The following DPF3 variants were observed in gnomAD, a reference collection of about 807,000 sequenced individuals.
DPF3 encodes the protein double PHD fingers 3, also known as zinc finger protein DPF3.
In DPF3, 18 loss-of-function variants were observed where a neutral mutation model predicts 56.8. That is an observed-to-expected ratio of 0.32 (90% CI 0.22 to 0.47). DPF3 has a LOEUF of 0.47. Among genes scored for constraint, DPF3 ranks in the 20% least tolerant of loss-of-function variants. The pLI, the probability that DPF3 is intolerant of heterozygous loss-of-function variation, is 1.00. For missense variants in DPF3, 403 were observed against 488.8 expected (o/e 0.82, Z 1.65); for synonymous variants, 188 against 180.2 (o/e 1.04, Z -0.35).
intron 3 of DPF3, among the ~76,000 whole-genome samples, chr14:72,744,552 T>A (rs992118671): frequency 2.0e-5 from 3 of 152,116 alleles, no homozygotes; most frequent in Admixed American, 6.6e-5. Context: ...TTCGGGGGAC[T>A]GAATCAGAAA....
At chr14:72,656,385 G>A (rs942440428) in intron 8 of DPF3, among the ~76,000 whole-genome samples, 35 of 152,192 alleles carry the variant, frequency 2.3e-4, no homozygotes, top group South Asian at 4.2e-4. Flanking sequence ...GATCCACTAC[G>A]ACTTCCAGAT....
intron 7 of DPF3, 97 bp downstream of exon 7, chr14:72,692,979 C>A (rs1368528742): frequency 6.4e-7 from 1 of 1,556,704 alleles, no homozygotes; most frequent in Non-Finnish European, 8.7e-7. Flanking sequence ...ACGGTTGCTA[C>A]CAGAAGATGC....
chr14:72,788,737 G>T (rs1004117642), intron 1 of DPF3, among the ~76,000 whole-genome samples: 4 of 152,176 alleles, frequency 2.6e-5, no homozygotes, highest in African/African-American at 9.7e-5. Context: ...GTTGATGGTG[G>T]AAGGGTCACA....
chr14:72,782,380 C>T (rs1459748272), intron 1 of DPF3, among the ~76,000 whole-genome samples: 1 of 152,122 alleles, frequency 6.6e-6, no homozygotes, highest in African/African-American at 2.4e-5. Context: ...CACGCCACCA[C>T]ACTTGGCTAA....
At chr14:72,806,246 T>G (rs541093626) in intron 1 of DPF3, among the ~76,000 whole-genome samples, 2 of 152,264 alleles carry the variant, frequency 1.3e-5, no homozygotes, top group Admixed American at 6.5e-5. Flanking sequence ...AGGGACTAAT[T>G]TCTTCCTTCT....
chr14:72,800,651 T>C (rs1274196532), intron 1 of DPF3, among the ~76,000 whole-genome samples: 2 of 151,792 alleles, frequency 1.3e-5, no homozygotes, highest in Non-Finnish European at 2.9e-5. Flanking sequence ...GATGGATGCA[T>C]GGATGGATGC....
chr14:72,682,693 T>G (rs1887212492), intron 7 of DPF3, among the ~76,000 whole-genome samples: 1 of 152,212 alleles, frequency 6.6e-6, no homozygotes. Flanking sequence ...ATGAGCCTTC[T>G]GCTTTAGACC....
At chr14:72,639,618 A>C (rs1481527867) in intron 8 of DPF3, among the ~76,000 whole-genome samples, 1 of 152,166 alleles carries the variant, frequency 6.6e-6, no homozygotes, top group Non-Finnish European at 1.5e-5. Context: ...CAGCAGCCCA[A>C]GGGGAACTGA....
At chr14:72,859,993 G>A (rs1885332830) in intron 1 of DPF3, among the ~76,000 whole-genome samples, 1 of 150,756 alleles carries the variant, frequency 6.6e-6, no homozygotes, top group Non-Finnish European at 1.5e-5. Context: ...CAGAAATGGT[G>A]TAAGCCCACC....
At position 72,609,208 on chromosome 14, in the gene DPF3, G is replaced by A. The variant is rs939238437; in HGVS notation, c.*10089C>T. ...ACGTGCGAGCATTCCATGGGATATC[G>A]AGGGGTCCCAAAGAAGAAGGCTGCT... On this transcript the variant is annotated 3_prime_UTR_variant, in exon 11 of 11. Transcript: ENST00000556509. 3.3e-5 allele frequency among the ~76,000 whole-genome samples: 5 copies of A among 152,134 alleles called. No homozygotes were observed. The highest frequency in any genetic ancestry group is 6.5e-5 in the Admixed American group (1 of 15,268).
intron 6 of DPF3, among the ~76,000 whole-genome samples, chr14:72,706,027 T>C (rs1888389795): frequency 6.6e-6 from 1 of 152,206 alleles, no homozygotes; most frequent in South Asian, 2.1e-4. Context: ...GAAAGTTAAT[T>C]AACCCTTCCT....
chr14:72,697,468 G>T (rs1395965033), intron 6 of DPF3, among the ~76,000 whole-genome samples: 3 of 152,198 alleles, frequency 2.0e-5, no homozygotes, highest in Non-Finnish European at 4.4e-5. Flanking sequence ...CAGGACTTCA[G>T]CAGGCAAAGG....
chr14:72,829,541 C>T (rs545864893), intron 1 of DPF3, among the ~76,000 whole-genome samples: 57 of 151,772 alleles, frequency 3.8e-4, no homozygotes, highest in Non-Finnish European at 7.7e-4. Context: ...CCCACCACCA[C>T]GCCCAGCTAA....
intron 6 of DPF3, among the ~76,000 whole-genome samples, chr14:72,703,022 A>G (rs915027747): frequency 1.3e-5 from 2 of 152,188 alleles, no homozygotes; most frequent in African/African-American, 4.8e-5. Context: ...TCTTATCTGC[A>G]GAATATGGGG....
At chr14:72,722,148 A>C (rs1889200947) in intron 5 of DPF3, among the ~76,000 whole-genome samples, 1 of 152,238 alleles carries the variant, frequency 6.6e-6, no homozygotes, top group Non-Finnish European at 1.5e-5. Context: ...GTGTCAGTTA[A>C]ATGATAAGAT....
intron 6 of DPF3, among the ~76,000 whole-genome samples, chr14:72,702,934 C>T (rs1005413183): frequency 2.0e-5 from 3 of 152,116 alleles, no homozygotes; most frequent in African/African-American, 7.2e-5. Flanking sequence ...TTCTAGAGAC[C>T]GGGGGTCTGG....
intron 2 of DPF3, among the ~76,000 whole-genome samples, chr14:72,764,609 C>T (rs1179310537): frequency 6.6e-6 from 1 of 151,040 alleles, no homozygotes; most frequent in Non-Finnish European, 1.5e-5. Flanking sequence ...CTGCCTCAGC[C>T]TCCTGAGTAG....
At chr14:72,737,886 C>G (rs1281253958) in intron 3 of DPF3, among the ~76,000 whole-genome samples, 1 of 151,858 alleles carries the variant, frequency 6.6e-6, no homozygotes, top group African/African-American at 2.4e-5. Context: ...CCTGCTAGAT[C>G]ATGAGTGCTC....
At chr14:72,741,574 G>A (rs764999230) in intron 3 of DPF3, among the ~76,000 whole-genome samples, 12 of 152,342 alleles carry the variant, frequency 7.9e-5, no homozygotes, top group African/African-American at 2.2e-4. Context: ...CCTCTCTGGC[G>A]GAGCCTCCCT....
Sources: gnomAD v4.1 joint callset for allele counts (sites outside exome capture counted in the v4.1 genomes callset) on GRCh38, gnomAD v4.1.1 for gene constraint, MANE v1.5 for transcripts, NCBI Gene and HGNC (gene_info 2026-07-23, HGNC 2026-07-21) for gene names.